PREX1: variants seen among roughly 807,000 people sequenced by gnomAD.
The protein encoded by PREX1 is phosphatidylinositol-3,4,5-trisphosphate dependent Rac exchange factor 1, also known as phosphatidylinositol 3,4,5-trisphosphate-dependent Rac exchanger 1 protein.
PREX1 carries 41 observed loss-of-function variants against 198.3 expected under a neutral mutation model. The observed-to-expected ratio is 0.21, with a 90% CI of 0.16 to 0.27. The LOEUF is 0.27. Ranked by LOEUF, PREX1 falls within the 10% of genes least tolerant of loss-of-function variation. The pLI is 1.00. For missense variants in PREX1, 1,620 were observed against 2,200.7 expected (o/e 0.74, Z 5.28); for synonymous variants, 843 against 887.2 (o/e 0.95, Z 0.89).
chr20:48,859,783 C>T, the PREX1 span, among the ~76,000 whole-genome samples: 4 of 152,140 alleles, frequency 2.6e-5, no homozygotes, highest in African/African-American at 4.8e-5. Flanking sequence ...TTTGGGAGGC[C>T]GAGGTGGACA....
At chr20:48,713,518 G>A (rs543471024) in intron 5 of PREX1, among the ~76,000 whole-genome samples, 18 of 151,954 alleles carry the variant, frequency 1.2e-4, no homozygotes, top group African/African-American at 4.1e-4. Context: ...AATTGTAGGC[G>A]GTGGCCAGCA....
intron 29 of PREX1, among the ~76,000 whole-genome samples, chr20:48,641,544 T>C (rs1200490448): frequency 2.6e-5 from 4 of 151,694 alleles, no homozygotes; most frequent in African/African-American, 7.3e-5. Context: ...CCCAGCACTT[T>C]GGGAGGCCAA....
chr20:48,810,696 G>A (rs2090430157), intron 1 of PREX1, among the ~76,000 whole-genome samples: 1 of 151,712 alleles, frequency 6.6e-6, no homozygotes, highest in African/African-American at 2.4e-5. Context: ...AGACCAGCCT[G>A]GCCAACATAG....
At chr20:48,849,856 T>C in the PREX1 span, among the ~76,000 whole-genome samples, 1 of 152,082 alleles carries the variant, frequency 6.6e-6, no homozygotes, top group Non-Finnish European at 1.5e-5. Context: ...TCTTTATAAT[T>C]TGGCAAGTGA....
At chr20:48,818,702 T>C (rs531419661) in intron 1 of PREX1, among the ~76,000 whole-genome samples, 7 of 152,362 alleles carry the variant, frequency 4.6e-5, no homozygotes, top group Admixed American at 1.3e-4. Flanking sequence ...GCTGTTATGA[T>C]GCCTATGCAT....
At chr20:48,838,313 T>G in the PREX1 span, among the ~76,000 whole-genome samples, 1 of 152,168 alleles carries the variant, frequency 6.6e-6, no homozygotes, top group Non-Finnish European at 1.5e-5. Context: ...TAAAGATGCA[T>G]CAAAAACCTT....
Position 48,634,742 on chromosome 20 carries a change from C to T in PREX1, c.4201G>A (p.Val1401Met), listed in dbSNP as rs2089348459. 5.6e-6 allele frequency: 9 copies of T among 1,614,224 alleles called. No homozygotes were observed. Among genetic ancestry groups the T allele is most frequent in the Non-Finnish European group, 7.6e-6 (9 of 1,180,034 alleles). Residue 1401 changes from valine to methionine, a missense_variant, in exon 33 of 40, where the codon GTG becomes ATG. By Grantham distance (21) the Val-to-Met change is conservative. Coordinates refer to ENST00000371941, the MANE Select transcript of PREX1 (RefSeq NM_020820.4). ...EERTMLEDIW[V>M]TLSELDNVTF... Reference sequence around the variant, plus strand: ...ACATTGTCCAGCTCTGACAGCGTCACCCAGATGTCCTCCAGCATGGTCCGT... The same window carrying T: ...ACATTGTCCAGCTCTGACAGCGTCATCCAGATGTCCTCCAGCATGGTCCGT...
chr20:48,719,311 C>T (rs576118974), intron 5 of PREX1, among the ~76,000 whole-genome samples: 7 of 152,194 alleles, frequency 4.6e-5, no homozygotes, highest in Non-Finnish European at 7.3e-5. Flanking sequence ...GGACCCCCCC[C>T]CCAACTCCCC....
chr20:48,650,875 G>A lies in PREX1; in HGVS notation c.2817+19C>T, dbSNP rs140654128. ...GTCTGGGACCTGTGGCAGAGACCCC[G>A]GAGGGAGCACGCAGGCACCTCCTGG... is the stretch of plus-strand genomic sequence containing the variant. On this transcript the variant is annotated intron_variant, in intron 23 of 39. Coordinates refer to ENST00000371941, the MANE Select transcript of PREX1 (RefSeq NM_020820.4). 147 of 1,613,504 alleles carry A rather than the reference G, an allele frequency of 9.1e-5. No individual in the cohort carries two copies. In the African/African-American group the frequency reaches 1.4e-3, roughly 15 times the overall value.
intron 1 of PREX1, among the ~76,000 whole-genome samples, chr20:48,787,740 T>C (rs962349909): frequency 1.1e-4 from 17 of 152,150 alleles, no homozygotes; most frequent in African/African-American, 4.1e-4. Flanking sequence ...GGTTGCAAAA[T>C]GTTCTGAAAA....
upstream of PREX1, among the ~76,000 whole-genome samples, chr20:48,828,918 G>C (rs568682211): frequency 6.6e-6 from 1 of 152,312 alleles, no homozygotes; most frequent in African/African-American, 2.4e-5. Flanking sequence ...GGTATGGAGA[G>C]GGGAGGAAGT....
chr20:48,704,727 T>C (rs563040814), intron 6 of PREX1, among the ~76,000 whole-genome samples: 1 of 152,314 alleles, frequency 6.6e-6, no homozygotes, highest in African/African-American at 2.4e-5. Flanking sequence ...GGCTAATTTT[T>C]GTATGTTTAA....
rs1244164514 is a variant in PREX1 at position 48,666,013 on chromosome 20, C to T, written c.1738+270G>A. ...GCTGCCTACCCTGGAAGGCCACATC[C>T]CCCCCAGGAAGAAGGGCACAGGAAA... On this transcript the variant is annotated intron_variant, in intron 15 of 39. Transcript: ENST00000371941. This position sits in a 1 kb window ranked among gnomAD's most constrained non-coding sequence, Gnocchi z 4.3. 6.6e-6 allele frequency among the ~76,000 whole-genome samples: 1 copy of T among 152,204 alleles called. No individual in the cohort carries two copies. The highest frequency in any genetic ancestry group is 2.4e-5 in the African/African-American group (1 of 41,456).
chr20:48,851,062 C>T, the PREX1 span, among the ~76,000 whole-genome samples: 5 of 152,214 alleles, frequency 3.3e-5, no homozygotes, highest in Admixed American at 2.6e-4. Flanking sequence ...TATTGGCACA[C>T]AGCCACACTC....
At chr20:48,774,077 G>A (rs1392170914) in intron 1 of PREX1, among the ~76,000 whole-genome samples, 2 of 152,212 alleles carry the variant, frequency 1.3e-5, no homozygotes, top group Non-Finnish European at 2.9e-5. Flanking sequence ...CACTGGCAAG[G>A]ATGAAGGCCA....
chr20:48,874,132 T>C, the PREX1 span, among the ~76,000 whole-genome samples: 1 of 152,232 alleles, frequency 6.6e-6, no homozygotes, highest in Non-Finnish European at 1.5e-5. Context: ...AATTATTATA[T>C]GGACTCTACA....
intron 1 of PREX1, among the ~76,000 whole-genome samples, chr20:48,749,989 T>C (rs1175771279): frequency 6.6e-6 from 1 of 152,064 alleles, no homozygotes; most frequent in African/African-American, 2.4e-5. Flanking sequence ...CAGCTGCAGA[T>C]TCAGTGTCTC....
At chr20:48,648,413 T>C (rs778263390) in intron 25 of PREX1, among the ~76,000 whole-genome samples, 4 of 152,128 alleles carry the variant, frequency 2.6e-5, no homozygotes, top group African/African-American at 9.7e-5. Flanking sequence ...ATCTCGTAGG[T>C]AGAGACCCCA....
chr20:48,841,262 ACTT>A, the PREX1 span, among the ~76,000 whole-genome samples: 2 of 152,150 alleles, frequency 1.3e-5, no homozygotes, highest in African/African-American at 4.8e-5. Context: ...GGGAAGGCAA[ACTT>A]CTTCTGCAGA....
Sources: allele counts gnomAD v4.1 joint callset (sites outside exome capture counted in the v4.1 genomes callset), GRCh38; gene constraint gnomAD v4.1.1; non-coding constraint Gnocchi (gnomAD v3.1); transcripts MANE v1.5; gene names NCBI Gene and HGNC (gene_info 2026-07-23, HGNC 2026-07-21).